GAL: variants seen among roughly 807,000 people sequenced by gnomAD.
The protein encoded by GAL is galanin and GMAP prepropeptide.
In GAL, 14 loss-of-function variants were observed where a neutral mutation model predicts 15.8. The ratio of observed to expected loss-of-function variants is 0.89; its 90% CI spans 0.59 to 1.39. The LOEUF (loss-of-function observed/expected upper bound fraction) is 1.39, where lower values mean the gene tolerates loss of function less well. GAL is among the 40% of genes most tolerant of loss of function. The pLI is 0.00. For synonymous variants in GAL, 79 were observed against 73.8 expected (o/e 1.07, Z -0.36); for missense variants, 176 against 170.4 (o/e 1.03, Z -0.18).
chr11:68,688,509 A>C (rs933234123), intron 4 of GAL, among the ~76,000 whole-genome samples: 4 of 152,212 alleles, frequency 2.6e-5, no homozygotes, highest in Admixed American at 2.0e-4. Context: ...GGTGCCTGTC[A>C]TCCCAGCTAC....
intron 3 of GAL, 102 bp from the exon 4 acceptor site, chr11:68,687,912 G>A (rs540128932): frequency 1.2e-4 from 86 of 718,188 alleles, no homozygotes; most frequent in Middle Eastern, 4.8e-4. Context: ...GTCGAGTTGC[G>A]TGTGTGTGTT....
At position 68,691,081 on chromosome 11, in the gene GAL, T is replaced by C. The variant is rs1945900949; in HGVS notation, c.*94T>C. 1 of 798,020 alleles carries C rather than the reference T, an allele frequency of 1.3e-6. No homozygotes were observed. Among genetic ancestry groups the C allele is most frequent in the South Asian group, 1.4e-5 (1 of 72,304 alleles). The allele number at this position is 798,020 out of a possible 1,614,324, so 49.4% of individuals were successfully genotyped here. On this transcript the variant is annotated 3_prime_UTR_variant, in exon 6 of 6. Coordinates refer to ENST00000265643, the MANE Select transcript of GAL (RefSeq NM_015973.5). ...CGGCCAATTTATGCAGAGTCAGCCA[T>C]TCCTGTTCTCTTTGCCTTGATGTTG... is the stretch of plus-strand genomic sequence containing the variant.
At chr11:68,689,697 C>T (rs569765887) in intron 5 of GAL, among the ~76,000 whole-genome samples, 2 of 152,300 alleles carry the variant, frequency 1.3e-5, no homozygotes, top group Admixed American at 6.5e-5. Flanking sequence ...GTGCCTGGCC[C>T]TAAACCATAT....
intron 3 of GAL, among the ~76,000 whole-genome samples, chr11:68,686,385 C>T (rs1594274357): frequency 6.6e-6 from 1 of 152,206 alleles, no homozygotes; most frequent in Non-Finnish European, 1.5e-5. Flanking sequence ...CACACCTCAC[C>T]ATCCACCTTA....
chr11:68,684,899 C>G, intron 1 of GAL, 25 bp from the exon 2 acceptor site: 2 of 1,522,176 alleles, frequency 1.3e-6, no homozygotes, highest in Non-Finnish European at 1.8e-6. Flanking sequence ...GGTTCCGACC[C>G]GCCCGCCCTG....
In GAL at chr11:68,684,676, A is replaced by T; in HGVS notation, c.-57A>T. 1 of 381,258 alleles carries T rather than the reference A, an allele frequency of 2.6e-6. No homozygotes were observed. Among genetic ancestry groups the T allele is most frequent in the South Asian group, 8.1e-5 (1 of 12,364 alleles). 23.6% of individuals were successfully genotyped at this position (381,258 alleles called of 1,614,324 possible). On this transcript the variant is annotated 5_prime_UTR_variant, in exon 1 of 6. Transcript: ENST00000265643. ...CCCGACGCCCGGACCTGCCGCCCAG[A>T]CCCGCCACCGCACCCGGACCCCGAC...
At position 68,687,970 on chromosome 11, in the gene GAL, A is replaced by G. The variant is rs778316324; in HGVS notation, c.137-44A>G. 19 of 1,232,798 alleles carry G rather than the reference A, an allele frequency of 1.5e-5. No homozygotes were observed. The East Asian group carries it at 3.7e-4, about 24-fold the overall frequency. The allele number at this position is 1,232,798 out of a possible 1,614,324, so 76.4% of individuals were successfully genotyped here. ...TTCTTTGGGTGTGGGGAGGGCGTGC[A>G]TGACAGTCACACCCAGAGGCTTTCC... is the stretch of plus-strand genomic sequence containing the variant. On this transcript the variant is annotated intron_variant, in intron 3 of 5. Coordinates refer to ENST00000265643, the MANE Select transcript of GAL (RefSeq NM_015973.5).
chr11:68,688,020 T>C lies in GAL; in HGVS notation c.143T>C (p.Val48Ala). Residue 48 changes from valine to alanine, a missense_variant, in exon 4 of 6, where the codon GTT (valine) becomes GCT (alanine). Val to Ala is a moderately conservative substitution (Grantham distance 64). Transcript: ENST00000265643. ...CTCTCTGATCTGCAAACAGATGCCG[T>C]TGGCAACCACAGGTCATTCAGCGAC... ...SAGYLLGPHA[V>A]GNHRSFSDKN... 2 of 1,608,518 alleles carry C rather than the reference T, an allele frequency of 1.2e-6. No individual in the cohort carries two copies. The highest frequency in any genetic ancestry group is 8.5e-7 in the Non-Finnish European group (1 of 1,175,198).
intron 5 of GAL, among the ~76,000 whole-genome samples, chr11:68,689,967 G>T (rs893539879): frequency 6.6e-6 from 1 of 152,248 alleles, no homozygotes; most frequent in Non-Finnish European, 1.5e-5. Context: ...AGCGGCCCCG[G>T]TGCTCTGAGG....
chr11:68,688,686 C>T (rs1025994833), intron 4 of GAL, among the ~76,000 whole-genome samples, 163 bp from the exon 5 acceptor site: 61 of 152,246 alleles, frequency 4.0e-4, no homozygotes, highest in African/African-American at 1.4e-3. Flanking sequence ...CTCCCCAACT[C>T]CCTCACATTG....
In GAL at chr11:68,685,640, TGGGCCCAC is replaced by T; in HGVS notation, c.130_136+1del. The T allele has an allele frequency of 6.2e-7, 1 of 1,612,790 alleles. No individual in the cohort carries two copies. The highest frequency in any genetic ancestry group is 8.5e-7 in the Non-Finnish European group (1 of 1,178,852). On this transcript the variant is annotated frameshift_variant and splice_region_variant, in exon 3 of 6. Coordinates refer to ENST00000265643, the MANE Select transcript of GAL (RefSeq NM_015973.5). LOFTEE classifies it high-confidence loss of function. ...ACCCTGAACAGCGCGGGCTACCTGC[TGGGCCCAC>T]GTAAGTGACTGACAGCATGGCCTCC...
chr11:68,685,625 G>C lies in GAL; in HGVS notation c.113G>C (p.Ser38Thr). ...GAAAAACGAGGCTGGACCCTGAACA[G>C]CGCGGGCTACCTGCTGGGCCCACGT... is the stretch of plus-strand genomic sequence containing the variant. Reference protein sequence around the residue: ...AKEKRGWTLNSAGYLLGPHAV... With the variant: ...AKEKRGWTLNTAGYLLGPHAV... The change falls in exon 3 of 6, where the codon AGC (serine) becomes ACC (threonine). Residue 38 changes from serine to threonine, a missense_variant. Ser to Thr is a moderately conservative substitution (Grantham distance 58). Transcript: ENST00000265643. 2.5e-6 allele frequency: 4 copies of C among 1,613,606 alleles called. No individual in the cohort carries two copies. In the East Asian group the frequency reaches 8.9e-5, roughly 36 times the overall value.
rs1008937717 is a variant in GAL, at chr11:68,688,243, G to A, written c.223+143G>A. 6.8e-5 allele frequency: 43 copies of A among 632,450 alleles called. 1 individual carries two copies. In the Middle Eastern group the frequency reaches 1.4e-3, roughly 21 times the overall value. The allele number at this position is 632,450 out of a possible 1,614,324, so 39.2% of individuals were successfully genotyped here. A position where few individuals can be genotyped will look rare whatever the true frequency, so the allele number is the denominator to read the frequency against. On this transcript the variant is annotated intron_variant, in intron 4 of 5. Coordinates refer to ENST00000265643, the MANE Select transcript of GAL (RefSeq NM_015973.5). The stretch of plus-strand genomic sequence containing the variant: ...GACTTGACTAAGACGATGTGGCCTC[G>A]CCACACCTGTCAGCAGCTGCAAACA...
chr11:68,687,444 C>T (rs914070203), intron 3 of GAL, among the ~76,000 whole-genome samples: 8 of 152,098 alleles, frequency 5.3e-5, no homozygotes, highest in East Asian at 3.9e-4. Context: ...AACGCACACA[C>T]GCTCCTGCAC....
In GAL at chr11:68,685,658, T is replaced by C. The variant is rs764086315; in HGVS notation, c.136+10T>C. On this transcript the variant is annotated intron_variant, in intron 3 of 5. Coordinates refer to ENST00000265643, the MANE Select transcript of GAL (RefSeq NM_015973.5). ...TACCTGCTGGGCCCACGTAAGTGAC[T>C]GACAGCATGGCCTCCCCACTCCTGA... 2 of 1,604,116 alleles carry C rather than the reference T, an allele frequency of 1.2e-6. No homozygotes were observed. The highest frequency in any genetic ancestry group is 2.2e-5 in the East Asian group (1 of 44,786).
chr11:68,685,376 G>T (rs1271196694), intron 2 of GAL, among the ~76,000 whole-genome samples: 1 of 152,260 alleles, frequency 6.6e-6, no homozygotes, highest in Non-Finnish European at 1.5e-5. Flanking sequence ...CTGAGAGTGC[G>T]CGGGCTCAGG....
intron 5 of GAL, among the ~76,000 whole-genome samples, chr11:68,690,501 G>A (rs1478073963): frequency 6.6e-6 from 1 of 152,160 alleles, no homozygotes; most frequent in Admixed American, 6.5e-5. Context: ...TCTCAAAACC[G>A]AGTCACCAAG....
Position 68,690,908 on chromosome 11 carries a change from C to T in GAL, c.302-9C>T. On this transcript the variant is annotated splice_polypyrimidine_tract_variant and intron_variant, in intron 5 of 5. Transcript: ENST00000265643. ...AGTTGCTGCTCAGATGTGGCTCTTC[C>T]CTTTGCAGAGGCCGGTGCCCTCGAC... 2 of 1,601,246 alleles carry T rather than the reference C, an allele frequency of 1.2e-6. No individual in the cohort carries two copies. Among genetic ancestry groups the T allele is most frequent in the Non-Finnish European group, 1.7e-6 (2 of 1,168,844 alleles).
chr11:68,685,121 A>G, intron 2 of GAL, 117 bp downstream of exon 2: 1 of 699,920 alleles, frequency 1.4e-6, no homozygotes. Context: ...TGGAAAGTGG[A>G]AAGGCGGGCG....
Sources: allele counts gnomAD v4.1 joint callset (sites outside exome capture counted in the v4.1 genomes callset), GRCh38; gene constraint gnomAD v4.1.1; transcripts MANE v1.5; gene names NCBI Gene and HGNC (gene_info 2026-07-23, HGNC 2026-07-21).